The following SRGAP2 variants were observed in gnomAD, a reference collection of about 807,000 sequenced individuals.
SRGAP2 encodes SLIT-ROBO Rho GTPase activating protein 2, also known as SLIT-ROBO Rho GTPase-activating protein 2.
A neutral mutation model predicts 57.2 loss-of-function variants in SRGAP2; 15 were observed. That is an observed-to-expected ratio of 0.26 (90% CI 0.18 to 0.40). The LOEUF (loss-of-function observed/expected upper bound fraction) is 0.40, where lower values mean the gene tolerates loss of function less well. SRGAP2 is among the 10% of genes least tolerant of loss of function. The pLI is 1.00. For missense variants in SRGAP2, 520 were observed against 669.6 expected (o/e 0.78, Z 2.47); for synonymous variants, 249 against 248.0 (o/e 1.00, Z -0.04).
chr1:206,281,918 A>AT (rs1670761691), intron 2 of SRGAP2, among the ~76,000 whole-genome samples: 1 of 151,916 alleles, frequency 6.6e-6, no homozygotes, highest in Admixed American at 6.5e-5. Flanking sequence ...CGTCACAAAA[A>AT]AAAAAACAAA....
chr1:206,215,225 G>C (rs1666576088), intron 2 of SRGAP2, among the ~76,000 whole-genome samples: 1 of 137,026 alleles, frequency 7.3e-6, no homozygotes, highest in Non-Finnish European at 1.6e-5. Flanking sequence ...TACTGGCTCA[G>C]TGTATGGCAA....
intron 4 of SRGAP2, among the ~76,000 whole-genome samples, chr1:206,371,345 A>T (rs1488280649): frequency 1.3e-5 from 2 of 151,602 alleles, no homozygotes; most frequent in Non-Finnish European, 2.9e-5. Flanking sequence ...TAAAAGAAAT[A>T]CTAAATGGCA....
At chr1:206,443,963 G>A (rs1255109912) in intron 17 of SRGAP2, among the ~76,000 whole-genome samples, 1 of 152,080 alleles carries the variant, frequency 6.6e-6, no homozygotes, top group Non-Finnish European at 1.5e-5. Context: ...GCCAAGGCGG[G>A]TGGATCACCT....
intron 2 of SRGAP2, among the ~76,000 whole-genome samples, chr1:206,262,622 T>TA (rs879954643): frequency 3.4e-3 from 453 of 134,308 alleles, no homozygotes; most frequent in African/African-American, 0.01. Flanking sequence ...TGGTGGAGAT[T>TA]AAAAAAAAAA....
intron 13 of SRGAP2, among the ~76,000 whole-genome samples, chr1:206,429,872 A>G (rs967251460): frequency 4.6e-5 from 7 of 152,214 alleles, no homozygotes; most frequent in African/African-American, 7.2e-5. Flanking sequence ...TAGAAGGCAG[A>G]CATGACAGAA....
chr1:206,373,099 CTTTTTT>C (rs1192726235), intron 4 of SRGAP2, among the ~76,000 whole-genome samples: 1,612 of 66,410 alleles, frequency 0.024, 65 homozygotes, highest in African/African-American at 0.084. Context: ...CTTTTTTTTT[CTTTTTT>C]TTTTTTTTTT....
intron 14 of SRGAP2, among the ~76,000 whole-genome samples, chr1:206,430,764 C>G (rs577570590): frequency 2.6e-5 from 4 of 152,344 alleles, no homozygotes; most frequent in Non-Finnish European, 5.9e-5. Flanking sequence ...CAGAGGCAGG[C>G]TGCTTCTCAG....
In SRGAP2 at chr1:206,206,299, C is replaced by A. The variant is rs529141353; in HGVS notation, c.67+262C>A. ...CATGATTTTGGCAGCCCTTTCCCCC[C>A]CAAGCCGGACAGGGTGGGGGGAGGG... On this transcript the variant is annotated intron_variant, in intron 2 of 22. Coordinates refer to ENST00000573034, the MANE Select transcript of SRGAP2 (RefSeq NM_015326.5). The A allele has an allele frequency of 1.6e-4, 74 of 467,468 alleles. 3 individuals carry two copies. Among genetic ancestry groups the A allele is most frequent in the East Asian group, 6.9e-4 (20 of 29,144 alleles). The allele number at this position is 467,468 out of a possible 1,614,324, so 29.0% of individuals were successfully genotyped here.
At chr1:206,441,553 G>C (rs990680330) in intron 17 of SRGAP2, among the ~76,000 whole-genome samples, 2 of 152,158 alleles carry the variant, frequency 1.3e-5, no homozygotes, top group Non-Finnish European at 2.9e-5. Context: ...GCCCTCAACA[G>C]CCTAGACCAA....
chr1:206,366,200 G>A (rs879989732), intron 4 of SRGAP2, among the ~76,000 whole-genome samples: 4 of 152,258 alleles, frequency 2.6e-5, no homozygotes, highest in Admixed American at 6.5e-5. Flanking sequence ...CCCAAAAGGT[G>A]TGCATGCTCT....
chr1:206,337,685 C>T (rs201046138), intron 3 of SRGAP2, among the ~76,000 whole-genome samples: 9 of 114,274 alleles, frequency 7.9e-5, no homozygotes, highest in Admixed American at 3.9e-4. Context: ...CAGCCATGAA[C>T]GTAGCAATTA....
intron 11 of SRGAP2, among the ~76,000 whole-genome samples, chr1:206,418,886 CTCTGTGTG>C (rs1553363131): frequency 4.6e-4 from 49 of 107,398 alleles, no homozygotes; most frequent in African/African-American, 2.2e-3. Flanking sequence ...CTCCAACTCT[CTCTGTGTG>C]TGTGTGTGTG....
At chr1:206,424,129 C>T (rs1413511588) in intron 13 of SRGAP2, among the ~76,000 whole-genome samples, 2 of 151,962 alleles carry the variant, frequency 1.3e-5, no homozygotes, top group Non-Finnish European at 2.9e-5. Flanking sequence ...TACTGGACCA[C>T]TGCTTTACTA....
At chr1:206,334,489 T>C (rs1400694993) in intron 3 of SRGAP2, among the ~76,000 whole-genome samples, 1 of 152,194 alleles carries the variant, frequency 6.6e-6, no homozygotes, top group Non-Finnish European at 1.5e-5. Flanking sequence ...TTATGAGCCA[T>C]GTAAGGGGAC....
intron 4 of SRGAP2, among the ~76,000 whole-genome samples, chr1:206,353,361 A>G (rs1273982941): frequency 6.6e-6 from 1 of 151,982 alleles, no homozygotes; most frequent in African/African-American, 2.4e-5. Context: ...AAGTTTACCA[A>G]TTTGGCTGGG....
intron 3 of SRGAP2, among the ~76,000 whole-genome samples, chr1:206,304,392 C>T (rs1158686883): frequency 7.5e-6 from 1 of 133,968 alleles, no homozygotes; most frequent in Non-Finnish European, 1.5e-5. Context: ...TTGAGGATCA[C>T]AGTCCACAGC....
chr1:206,445,898 C>A (rs1662715082), intron 17 of SRGAP2, among the ~76,000 whole-genome samples, 177 bp from the exon 18 acceptor site: 1 of 152,190 alleles, frequency 6.6e-6, no homozygotes, highest in African/African-American at 2.4e-5. Context: ...CCTGAATGAC[C>A]ATTCTGGTTG....
chr1:206,355,673 A>C (rs1553339159), intron 4 of SRGAP2, among the ~76,000 whole-genome samples: 2 of 152,194 alleles, frequency 1.3e-5, no homozygotes, highest in African/African-American at 4.8e-5. Context: ...TGACTATAAG[A>C]TGCCTCTCTG....
intron 22 of SRGAP2, 41 bp downstream of exon 22, chr1:206,458,988 C>A: frequency 1.4e-6 from 1 of 692,282 alleles, no homozygotes; most frequent in South Asian, 1.6e-5. Context: ...AGTCTACATT[C>A]ATCACTACCA....
Sources: allele counts gnomAD v4.1 joint callset (sites outside exome capture counted in the v4.1 genomes callset), GRCh38; gene constraint gnomAD v4.1.1; transcripts MANE v1.5; gene names NCBI Gene and HGNC (gene_info 2026-07-23, HGNC 2026-07-21).